DNAI4: variants seen among roughly 807,000 people sequenced by gnomAD.
The protein encoded by DNAI4 is WD repeat domain 78.
Under a neutral mutation model 105.8 loss-of-function variants are expected in DNAI4, and 85 were observed. The ratio of observed to expected loss-of-function variants is 0.80; its 90% CI spans 0.67 to 0.96. The LOEUF is 0.96. Ranked by LOEUF, DNAI4 falls within the 40% of genes least tolerant of loss-of-function variation. The pLI, the probability that DNAI4 is intolerant of heterozygous loss-of-function variation, is 0.00. For synonymous variants in DNAI4, 352 were observed against 331.5 expected, an observed-to-expected ratio of 1.06 and a Z score of -0.67; for missense variants, 1,014 against 1,005.6, an observed-to-expected ratio of 1.01 and a Z score of -0.11.
intron 7 of DNAI4, among the ~76,000 whole-genome samples, chr1:66,856,465 T>C (rs1488429761): frequency 6.6e-6 from 1 of 151,854 alleles, no homozygotes; most frequent in Non-Finnish European, 1.5e-5. Flanking sequence ...AGAGCGAGAC[T>C]CCGTCTCAAA....
chr1:66,842,020 T>C (rs961426963), intron 8 of DNAI4, among the ~76,000 whole-genome samples: 1 of 152,240 alleles, frequency 6.6e-6, no homozygotes, highest in African/African-American at 2.4e-5. Context: ...TGGAAACTAC[T>C]GACTATTTTA....
chr1:66,881,083 T>G (rs889445274), intron 4 of DNAI4, among the ~76,000 whole-genome samples: 2 of 152,220 alleles, frequency 1.3e-5, no homozygotes, highest in African/African-American at 4.8e-5. Flanking sequence ...AACTGAGGTA[T>G]GAGAACCTCC....
intron 4 of DNAI4, among the ~76,000 whole-genome samples, chr1:66,879,258 ACT>A (rs1215027396): frequency 6.6e-6 from 1 of 152,198 alleles, no homozygotes; most frequent in Non-Finnish European, 1.5e-5. Context: ...CTTTCTCTAG[ACT>A]GTCATATAAG....
intron 1 of DNAI4, among the ~76,000 whole-genome samples, chr1:66,908,122 A>G: frequency 6.6e-6 from 1 of 152,182 alleles, no homozygotes; most frequent in South Asian, 2.1e-4. Context: ...ATTTCCAATT[A>G]TCCTCTTACT....
At chr1:66,913,028 C>T (rs1019597325) in intron 1 of DNAI4, among the ~76,000 whole-genome samples, 8 of 152,080 alleles carry the variant, frequency 5.3e-5, no homozygotes, top group South Asian at 2.1e-4. Context: ...TTCCTGCTTC[C>T]GTGACGATGG....
chr1:66,881,582 T>G (rs1238263178), intron 4 of DNAI4, among the ~76,000 whole-genome samples: 2 of 152,242 alleles, frequency 1.3e-5, no homozygotes, highest in Non-Finnish European at 2.9e-5. Context: ...ATCAACTGTA[T>G]TTACCCAATG....
chr1:66,836,085 G>T (rs1029578152), intron 10 of DNAI4, among the ~76,000 whole-genome samples: 1 of 149,384 alleles, frequency 6.7e-6, no homozygotes, highest in African/African-American at 2.5e-5. Context: ...GAGACCAGCA[G>T]TTTGGGACCA....
Position 66,878,968 on chromosome 1 carries a change from A to G in DNAI4, c.644-4031T>C, listed in dbSNP as rs551964027. Among the ~76,000 whole-genome samples, 18 of 152,254 alleles carry G rather than the reference A, an allele frequency of 1.2e-4. No individual in the cohort carries two copies. The South Asian group carries it at 3.7e-3, about 32-fold the overall frequency. On this transcript the variant is annotated intron_variant, in intron 4 of 16. Coordinates refer to ENST00000371026, the MANE Select transcript of DNAI4 (RefSeq NM_024763.5). The stretch of plus-strand genomic sequence containing the variant: ...GGGTTATATTATACATTTGTAAGGC[A>G]GTTTGATTCTTTTGTTACAGTCTGT...
At chr1:66,893,021 AGAAAGAAAGAGAG>A (rs1276296082) in intron 3 of DNAI4, among the ~76,000 whole-genome samples, 195 bp downstream of exon 3, 4 of 140,868 alleles carry the variant, frequency 2.8e-5, no homozygotes, top group African/African-American at 1.1e-4. Flanking sequence ...GAGGAAAGAA[AGAAAGAAAGAGAG>A]GAAAGAAAGA....
chr1:66,863,995 A>G (rs554393736), intron 6 of DNAI4, among the ~76,000 whole-genome samples: 1 of 152,334 alleles, frequency 6.6e-6, no homozygotes, highest in African/African-American at 2.4e-5. Context: ...ATATAGGAAC[A>G]TACTGTTACA....
At chr1:66,903,151 A>G (rs1648961480) in intron 2 of DNAI4, among the ~76,000 whole-genome samples, 1 of 152,164 alleles carries the variant, frequency 6.6e-6, no homozygotes, top group Non-Finnish European at 1.5e-5. Context: ...ACCTAACACT[A>G]TTACGCCTTC....
In DNAI4 at chr1:66,924,792, C is replaced by T. The variant is rs1433607488; in HGVS notation, c.40G>A (p.Ala14Thr). The T allele has an allele frequency of 1.2e-6, 2 of 1,614,042 alleles. No homozygotes were observed. The highest frequency in any genetic ancestry group is 2.7e-5 in the African/African-American group (2 of 74,928). ...GKHSGASARA[A>T]NGGAWGYRDF... is the part of the protein sequence containing the mutation. ...CTGTACCCCCAAGCTCCTCCGTTAG[C>T]GGCTCGGGCCGAGGCTCCGGAATGT... is the stretch of plus-strand genomic sequence containing the variant. Residue 14 changes from alanine to threonine, a missense_variant, in exon 1 of 17, where the codon GCT becomes ACT. Coordinates refer to ENST00000371026, the MANE Select transcript of DNAI4 (RefSeq NM_024763.5).
At chr1:66,895,779 TTC>T (rs1381321902) in intron 2 of DNAI4, among the ~76,000 whole-genome samples, 2 of 152,154 alleles carry the variant, frequency 1.3e-5, no homozygotes, top group Non-Finnish European at 2.9e-5. Context: ...AACAGATACT[TTC>T]TGTCTATATT....
intron 8 of DNAI4, among the ~76,000 whole-genome samples, chr1:66,843,903 T>C (rs1393037955): frequency 1.3e-5 from 2 of 151,972 alleles, no homozygotes; most frequent in Admixed American, 1.3e-4. Context: ...TTGACCACGA[T>C]AGCTTTATAC....
chr1:66,898,555 AGTT>A (rs1216960927), intron 2 of DNAI4, among the ~76,000 whole-genome samples: 1 of 152,132 alleles, frequency 6.6e-6, no homozygotes, highest in Non-Finnish European at 1.5e-5. Context: ...TATAAAAGTC[AGTT>A]TCTCCATCTC....
chr1:66,874,534 T>G (rs1278460152), intron 5 of DNAI4, among the ~76,000 whole-genome samples: 6 of 152,136 alleles, frequency 3.9e-5, no homozygotes. Context: ...CCTAATTATT[T>G]AAAAATATGG....
At position 66,847,640 on chromosome 1, in the gene DNAI4, T is replaced by C; in HGVS notation, c.1135A>G (p.Ile379Val). Reference protein sequence around the residue: ...TSSLMDIENVILAKIHEDEED... With the variant: ...TSSLMDIENVVLAKIHEDEED... ...TCATCTTCATGGATTTTTGCCAGAA[T>C]TACATTTTCTATGTCCATTAGAGAA... Residue 379 changes from isoleucine (I) to valine (V), a missense_variant, in exon 8 of 17, where the codon ATT (isoleucine) becomes GTT (valine). Physicochemically the swap from Ile to Val is conservative, Grantham distance 29. Transcript: ENST00000371026. 1 of 1,613,200 alleles carries C rather than the reference T, an allele frequency of 6.2e-7. No homozygotes were observed. The highest frequency in any genetic ancestry group is 8.5e-7 in the Non-Finnish European group (1 of 1,179,748).
intron 6 of DNAI4, among the ~76,000 whole-genome samples, chr1:66,870,398 C>T (rs565172459): frequency 3.1e-4 from 43 of 140,684 alleles, no homozygotes; most frequent in East Asian, 1.1e-3. Context: ...GCCAAGATTG[C>T]GCCATCGCAC....
intron 16 of DNAI4, among the ~76,000 whole-genome samples, chr1:66,821,409 A>T (rs192546797): frequency 9.9e-5 from 15 of 152,186 alleles, no homozygotes; most frequent in African/African-American, 3.6e-4. Context: ...TTCTCTAAAC[A>T]TTTCTAACAG....
Sources: allele counts gnomAD v4.1 joint callset (sites outside exome capture counted in the v4.1 genomes callset), GRCh38; gene constraint gnomAD v4.1.1; transcripts MANE v1.5; gene names NCBI Gene and HGNC (gene_info 2026-07-23, HGNC 2026-07-21).